Variants in GPR39 observed in about 807,000 individuals in gnomAD.
GPR39 encodes the protein G protein-coupled receptor 39, also known as zinc sensing receptor.
A neutral mutation model predicts 18.4 loss-of-function variants in GPR39; 23 were observed. That is an observed-to-expected ratio of 1.25 (90% CI 0.90 to 1.77). The LOEUF (loss-of-function observed/expected upper bound fraction) is 1.77. Among genes scored for constraint, GPR39 ranks in the 40% most tolerant of loss-of-function variants. The pLI is 0.00. For missense variants in GPR39, 647 were observed against 602.4 expected (o/e 1.07, Z -0.78); for synonymous variants, 280 against 257.9 (o/e 1.09, Z -0.82).
At chr2:132,593,519 G>A (rs1680882637) in intron 1 of GPR39, among the ~76,000 whole-genome samples, 1 of 152,160 alleles carries the variant, frequency 6.6e-6, no homozygotes, top group Non-Finnish European at 1.5e-5. Flanking sequence ...AGGGCTTATA[G>A]GTTAACTCCT....
At chr2:132,588,468 A>G (rs766036697) in intron 1 of GPR39, among the ~76,000 whole-genome samples, 10 of 152,160 alleles carry the variant, frequency 6.6e-5, no homozygotes, top group Non-Finnish European at 1.3e-4. Flanking sequence ...GATGTCTAGA[A>G]TCTCAGCTAA....
At chr2:132,461,037 T>A (rs1395714175) in intron 1 of GPR39, among the ~76,000 whole-genome samples, 1 of 152,164 alleles carries the variant, frequency 6.6e-6, no homozygotes, top group Non-Finnish European at 1.5e-5. Context: ...GGAACTGGGA[T>A]GTATGAGTAA....
chr2:132,486,334 A>G lies in GPR39; in HGVS notation c.856+68436A>G, dbSNP rs544117343. Among the ~76,000 whole-genome samples the G allele has an allele frequency of 2.3e-3, 347 of 152,356 alleles. 1 individual carries two copies. The highest frequency in any genetic ancestry group is 3.6e-3 in the Non-Finnish European group (248 of 68,038). ...GTATTGGTTTTAACTTAAAATTACC[A>G]GCTGCAGCTGCATTAGCCCGTAACA... On this transcript the variant is annotated intron_variant, in intron 1 of 1. Coordinates refer to ENST00000329321, the MANE Select transcript of GPR39 (RefSeq NM_001508.3).
intron 1 of GPR39, among the ~76,000 whole-genome samples, chr2:132,553,411 T>G (rs553430707): frequency 6.6e-6 from 1 of 151,080 alleles, no homozygotes; most frequent in Admixed American, 6.6e-5. Flanking sequence ...CGTATATATA[T>G]GTACACACAC....
intron 1 of GPR39, among the ~76,000 whole-genome samples, chr2:132,499,276 T>C (rs1225702715): frequency 1.3e-5 from 2 of 152,216 alleles, no homozygotes; most frequent in African/African-American, 2.4e-5. Context: ...CTTCTACGTG[T>C]GGCTTGCCAA....
intron 1 of GPR39, among the ~76,000 whole-genome samples, chr2:132,573,980 A>G (rs1215222349): frequency 6.6e-6 from 1 of 152,268 alleles, no homozygotes; most frequent in Admixed American, 6.5e-5. Context: ...CTAGAGCACT[A>G]TAAATTTTTA....
At chr2:132,437,723 A>G (rs528104747) in intron 1 of GPR39, among the ~76,000 whole-genome samples, 19 of 152,296 alleles carry the variant, frequency 1.2e-4, no homozygotes, top group Admixed American at 2.0e-4. Context: ...GGCTACAGAG[A>G]GGCATTAGAC....
chr2:132,519,642 C>A (rs752424597), intron 1 of GPR39, among the ~76,000 whole-genome samples: 6 of 152,048 alleles, frequency 3.9e-5, no homozygotes, highest in Non-Finnish European at 7.4e-5. Context: ...AAATGGGATG[C>A]CCAGGATAGG....
intron 1 of GPR39, among the ~76,000 whole-genome samples, chr2:132,441,914 C>G (rs370165003): frequency 6.6e-5 from 10 of 152,306 alleles, no homozygotes; most frequent in Middle Eastern, 6.8e-3. Flanking sequence ...ATTTCACCTG[C>G]TTCTGGAGAT....
At chr2:132,537,686 A>G (rs1466293128) in intron 1 of GPR39, among the ~76,000 whole-genome samples, 1 of 151,550 alleles carries the variant, frequency 6.6e-6, no homozygotes, top group Non-Finnish European at 1.5e-5. Flanking sequence ...ACACCAATCA[A>G]TCGTAGGTTC....
At chr2:132,523,311 T>C (rs547673184) in intron 1 of GPR39, among the ~76,000 whole-genome samples, 7 of 152,358 alleles carry the variant, frequency 4.6e-5, no homozygotes, top group African/African-American at 1.7e-4. Context: ...CCCTAAAATA[T>C]AAGTGGGACT....
intron 1 of GPR39, among the ~76,000 whole-genome samples, chr2:132,594,696 G>A (rs1438581962): frequency 6.6e-6 from 1 of 151,338 alleles, no homozygotes; most frequent in Non-Finnish European, 1.5e-5. Context: ...TGGAGAGATG[G>A]GGAGAGAGAC....
chr2:132,509,639 C>G (rs1679204129), intron 1 of GPR39, among the ~76,000 whole-genome samples: 1 of 152,168 alleles, frequency 6.6e-6, no homozygotes, highest in African/African-American at 2.4e-5. Context: ...ACTGCTCTGA[C>G]TTTCAGGTTA....
At chr2:132,453,852 G>C (rs200486809) in intron 1 of GPR39, among the ~76,000 whole-genome samples, 120 of 152,198 alleles carry the variant, frequency 7.9e-4, no homozygotes, top group Non-Finnish European at 9.3e-4. Flanking sequence ...GTCTGTTTTG[G>C]TATCAGCACC....
At position 132,646,556 on chromosome 2, in the gene GPR39, CTTATTTACATT is replaced by C. The variant is rs1351330435; in HGVS notation, c.*954_*964del. The stretch of plus-strand genomic sequence containing the variant: ...TGTTAATAAAGAGCTGTTAAATAGA[CTTATTTACATT>C]TTAAGTCAGAGTTCACACTGTGTAC... On this transcript the variant is annotated 3_prime_UTR_variant, in exon 2 of 2. Transcript: ENST00000329321. 1 of 335,458 alleles carries C rather than the reference CTTATTTACATT, an allele frequency of 3.0e-6. No homozygotes were observed. Among genetic ancestry groups the C allele is most frequent in the Admixed American group, 4.8e-5 (1 of 20,706 alleles). The allele number at this position is 335,458 out of a possible 1,614,324, so 20.8% of individuals were successfully genotyped here. A position where few individuals can be genotyped will look rare whatever the true frequency, so the allele number is the denominator to read the frequency against.
chr2:132,631,473 G>C (rs994028340), intron 1 of GPR39, among the ~76,000 whole-genome samples: 1 of 152,162 alleles, frequency 6.6e-6, no homozygotes, highest in African/African-American at 2.4e-5. Flanking sequence ...CCCTATCTTA[G>C]AAGCCTGATA....
chr2:132,579,265 G>A (rs539871492), intron 1 of GPR39, among the ~76,000 whole-genome samples: 1 of 151,674 alleles, frequency 6.6e-6, no homozygotes, highest in African/African-American at 2.4e-5. Flanking sequence ...GTTTCCAAGT[G>A]TTTGAAAAGT....
intron 1 of GPR39, among the ~76,000 whole-genome samples, chr2:132,563,682 C>T (rs563476639): frequency 1.3e-5 from 2 of 152,270 alleles, no homozygotes; most frequent in South Asian, 2.1e-4. Context: ...ACCTGGGGGA[C>T]TTGCAGAAAT....
At chr2:132,585,958 T>TTTTG (rs1573682635) in intron 1 of GPR39, among the ~76,000 whole-genome samples, 1 of 141,202 alleles carries the variant, frequency 7.1e-6, no homozygotes, top group East Asian at 2.2e-4. Context: ...GTTTTTTTTT[T>TTTTG]TTTTTTTTTT....
Sources: gnomAD v4.1 joint callset for allele counts (sites outside exome capture counted in the v4.1 genomes callset) on GRCh38, gnomAD v4.1.1 for gene constraint, MANE v1.5 for transcripts, NCBI Gene and HGNC (gene_info 2026-07-23, HGNC 2026-07-21) for gene names.